USP50: variants seen among roughly 807,000 people sequenced by gnomAD.
USP50 encodes ubiquitin specific peptidase 50, also known as ubiquitin carboxyl-terminal hydrolase 50.
Under a neutral mutation model 39.2 loss-of-function variants are expected in USP50, and 37 were observed. The observed-to-expected ratio is 0.94, with a 90% confidence interval of 0.73 to 1.24. The LOEUF is 1.24. USP50 is among the 50% of genes most tolerant of loss of function. USP50 has a pLI of 0.00. For missense variants in USP50, 374 were observed against 398.2 expected (o/e 0.94, Z 0.52); for synonymous variants, 139 against 144.5 (o/e 0.96, Z 0.27).
At chr15:50,511,354 A>T (rs2052737444) in intron 6 of USP50, 1 of 152,190 alleles carries the variant, frequency 6.6e-6, no homozygotes, top group African/African-American at 2.4e-5. Context: ...GCCACTTTGG[A>T]AAACAATTTG....
At chr15:50,496,972 T>C (rs942582269), downstream of USP50, 18 of 1,324,196 alleles carry the variant, frequency 1.4e-5, no homozygotes, top group African/African-American at 1.9e-4. Context: ...AGGAACTCTT[T>C]TGTGTAGATT....
intron 6 of USP50, among the ~76,000 whole-genome samples, chr15:50,517,547 A>T (rs1199466329): frequency 6.6e-6 from 1 of 152,182 alleles, no homozygotes; most frequent in Non-Finnish European, 1.5e-5. Context: ...CCAGAAATTA[A>T]TAACAGGGGA....
chr15:50,493,615 C>G (rs904651187), downstream of USP50: 1 of 429,998 alleles, frequency 2.3e-6, no homozygotes, highest in Middle Eastern at 8.7e-4. Context: ...TGTGGTGATA[C>G]ATGCCTATAG....
intron 6 of USP50, among the ~76,000 whole-genome samples, chr15:50,514,993 C>CT (rs2052789676): frequency 2.2e-5 from 1 of 45,048 alleles, no homozygotes; most frequent in Non-Finnish European, 4.9e-5. Flanking sequence ...GAGACACAGT[C>CT]TAAAAAAAAA....
downstream of USP50, chr15:50,496,942 A>C (rs1566893769): frequency 3.0e-6 from 3 of 997,444 alleles, no homozygotes; most frequent in African/African-American, 3.3e-5. Flanking sequence ...TTCTCACTAG[A>C]TCACAAGCTT....
downstream of USP50, chr15:50,497,003 T>G: frequency 6.7e-7 from 1 of 1,486,030 alleles, no homozygotes; most frequent in Non-Finnish European, 9.0e-7. Context: ...CACTGGTGCC[T>G]GCAGAGTGAC....
chr15:50,525,711 A>ATG lies in USP50; in HGVS notation c.936+4085_936+4086insCA, dbSNP rs1169430627. Among the ~76,000 whole-genome samples, 290 of 83,700 alleles carry ATG rather than the reference A, an allele frequency of 3.5e-3. 3 individuals are homozygous for ATG. The highest frequency in any genetic ancestry group is 6.2e-3 in the Admixed American group (37 of 5,954). The allele number at this position is 83,700 out of a possible 152,430, so 54.9% of individuals were successfully genotyped here. A position where few individuals can be genotyped will look rare whatever the true frequency, so the allele number is the denominator to read the frequency against. ...TATATGTATATGTATATATATGTAT[A>ATG]TATGTATATGTATATATGTATATGT... On this transcript the variant is annotated intron_variant, in intron 6 of 6. Transcript: ENST00000532404.
chr15:50,529,942 TAA>T lies in USP50; in HGVS notation c.804-15_804-14del, dbSNP rs773058662. On this transcript the variant is annotated splice_polypyrimidine_tract_variant and intron_variant, in intron 5 of 6. Coordinates refer to ENST00000532404, the MANE Select transcript of USP50 (RefSeq NM_203494.5). Reference sequence around the variant, plus strand: ...CTGAATGTCAAACCTGCAGGTATAATAAATGTGTGAAATACAAAGTAAGCTTG... The same window carrying T: ...CTGAATGTCAAACCTGCAGGTATAATATGTGTGAAATACAAAGTAAGCTTG... 3 of 1,612,402 alleles carry T rather than the reference TAA, an allele frequency of 1.9e-6. No individual in the cohort carries two copies. The highest frequency in any genetic ancestry group is 8.5e-7 in the Non-Finnish European group (1 of 1,179,512).
intron 1 of USP50, 111 bp downstream of exon 1, chr15:50,546,362 G>A: frequency 1.7e-6 from 2 of 1,148,742 alleles, no homozygotes; most frequent in Non-Finnish European, 2.6e-6. Context: ...ACCTTCCATG[G>A]GTCACACCTG....
At chr15:50,515,439 A>G (rs1403824645) in intron 6 of USP50, among the ~76,000 whole-genome samples, 3 of 151,848 alleles carry the variant, frequency 2.0e-5, no homozygotes, top group African/African-American at 7.3e-5. Flanking sequence ...ACGGGGTTTC[A>G]CTATGTTGGC....
chr15:50,528,378 G>C (rs539480268), intron 6 of USP50, among the ~76,000 whole-genome samples: 2 of 151,832 alleles, frequency 1.3e-5, no homozygotes, highest in South Asian at 4.2e-4. Context: ...CTGGCCCCAA[G>C]TGATCCTTCC....
At position 50,546,497 on chromosome 15, in the gene USP50, T is replaced by C. The variant is rs1028559342; in HGVS notation, c.29A>G (p.Asp10Gly). Residue 10 changes from aspartate to glycine, a missense_variant, in exon 1 of 7, where the codon GAT becomes GGT. By Grantham distance (94) the Asp-to-Gly change is moderately conservative. Coordinates refer to ENST00000532404, the MANE Select transcript of USP50 (RefSeq NM_203494.5). ...CAGGACGTGGTAGATATCGAAGTCA[T>C]CTGCAGGGAGAGACGGCTGAGAAGT... MTSQPSLPA[D>G]DFDIYHVLAE... is the part of the protein sequence containing the mutation. 2 of 1,613,762 alleles carry C rather than the reference T, an allele frequency of 1.2e-6. No individual in the cohort carries two copies. Among genetic ancestry groups the C allele is most frequent in the Non-Finnish European group, 1.7e-6 (2 of 1,179,688 alleles).
chr15:50,524,346 T>C (rs999403322), intron 6 of USP50, among the ~76,000 whole-genome samples: 1 of 152,176 alleles, frequency 6.6e-6, no homozygotes, highest in African/African-American at 2.4e-5. Context: ...ACACAAAGAA[T>C]AGGTGAAAAT....
At chr15:50,541,716 A>G (rs2053031368) in intron 3 of USP50, among the ~76,000 whole-genome samples, 1 of 152,186 alleles carries the variant, frequency 6.6e-6, no homozygotes, top group Non-Finnish European at 1.5e-5. Context: ...TAACTCTGGT[A>G]AAACATATAC....
chr15:50,496,756 A>ATGTT (rs766937643), downstream of USP50: 1 of 175,176 alleles, frequency 5.7e-6, no homozygotes, highest in African/African-American at 2.4e-5. Context: ...TGTATCAACA[A>ATGTT]TGTTTCTTAT....
rs771028316 is a variant in USP50 at position 50,500,803 on chromosome 15, G to T, written c.971C>A (p.Thr324Asn). The T allele has an allele frequency of 6.3e-6, 10 of 1,590,252 alleles. No individual in the cohort carries two copies. The Admixed American group carries it at 7.1e-5, about 11-fold the overall frequency. The change falls in exon 7 of 7, where the codon ACT becomes AAT. Residue 324 changes from threonine (T) to asparagine (N), a missense_variant. Thr to Asn is a moderately conservative substitution (Grantham distance 65). Transcript: ENST00000532404. ...GGTGACTGAATTCTTGCAGAAAGCA[G>T]TGTAGTGGCCACCATCCAAATCACC... ...HFGDLDGGHYTAFCKNSVTQA is the reference protein window; with the variant it reads ...HFGDLDGGHYNAFCKNSVTQA
At chr15:50,497,298 T>G (rs1171331010), downstream of USP50, 5 of 1,530,366 alleles carry the variant, frequency 3.3e-6, no homozygotes, top group Non-Finnish European at 4.4e-6. Flanking sequence ...TCTGTGTAAT[T>G]TATACTTGTT....
chr15:50,535,711 C>G (rs983242717), intron 5 of USP50, among the ~76,000 whole-genome samples: 1 of 152,128 alleles, frequency 6.6e-6, no homozygotes, highest in Non-Finnish European at 1.5e-5. Context: ...CCCAGGAGTT[C>G]AAGACCAGCC....
chr15:50,543,773 G>C lies in USP50; in HGVS notation c.269C>G (p.Thr90Ser), dbSNP rs555390836. Residue 90 changes from threonine (T) to serine (S), a missense_variant, in exon 3 of 7, where the codon ACT (threonine) becomes AGT (serine). Coordinates refer to ENST00000532404, the MANE Select transcript of USP50 (RefSeq NM_203494.5). ...GTCTGTCATCAGATAGGCAAAAGCA[G>C]TGGCAACTTCACTGCAATCGCTTGG... The part of the protein sequence containing the change: ...ALQNDCSEVA[T>S]AFAYLMTDMW... The C allele has an allele frequency of 1.9e-6, 3 of 1,608,974 alleles. No individual in the cohort carries two copies. In the East Asian group the frequency reaches 6.7e-5, roughly 36 times the overall value.
Sources: allele counts gnomAD v4.1 joint callset (sites outside exome capture counted in the v4.1 genomes callset), GRCh38; gene constraint gnomAD v4.1.1; transcripts MANE v1.5; gene names NCBI Gene and HGNC (gene_info 2026-07-23, HGNC 2026-07-21).